The following AGPAT4 variants were observed in gnomAD, a reference collection of about 807,000 sequenced individuals.
AGPAT4 encodes 1-acyl-sn-glycerol-3-phosphate acyltransferase delta.
Under a neutral mutation model 48.0 loss-of-function variants are expected in AGPAT4, and 15 were observed. The observed-to-expected ratio is 0.31, with a 90% confidence interval of 0.21 to 0.48. The LOEUF (loss-of-function observed/expected upper bound fraction) is 0.48. Among genes scored for constraint, AGPAT4 ranks in the 20% least tolerant of loss-of-function variants. The probability of loss-of-function intolerance (pLI) is 0.99; values close to 1 mark genes in which losing one functional copy is unlikely to be tolerated. For synonymous variants in AGPAT4, 178 were observed against 198.7 expected (o/e 0.90, Z 0.88); for missense variants, 314 against 482.5 (o/e 0.65, Z 3.27).
Position 161,218,851 on chromosome 6 carries a change from AC to A in AGPAT4, c.178+13184del, listed in dbSNP as rs2115024765. Among the ~76,000 whole-genome samples the A allele has an allele frequency of 6.6e-6, 1 of 152,370 alleles. No individual in the cohort carries two copies. Among genetic ancestry groups the A allele is most frequent in the East Asian group, 1.9e-4 (1 of 5,188 alleles). On this transcript the variant is annotated intron_variant, in intron 2 of 8. Coordinates refer to ENST00000320285, the MANE Select transcript of AGPAT4 (RefSeq NM_020133.3). The surrounding 1 kb of genome is among the most constrained non-coding windows in gnomAD (Gnocchi z 4.7). ...AACAGTATGATAAAACACTGTATCT[AC>A]CAAACAGTATGATAAAACACTGTAT...
At position 161,233,395 on chromosome 6, in the gene AGPAT4, C is replaced by T. The variant is rs960456181; in HGVS notation, c.-89-1093G>A. Among the ~76,000 whole-genome samples the T allele has an allele frequency of 2.6e-5, 4 of 152,164 alleles. No individual in the cohort carries two copies. The highest frequency in any genetic ancestry group is 9.7e-5 in the African/African-American group (4 of 41,440). On this transcript the variant is annotated intron_variant, in intron 1 of 8. Coordinates refer to ENST00000320285, the MANE Select transcript of AGPAT4 (RefSeq NM_020133.3). This position sits in a 1 kb window ranked among gnomAD's most constrained non-coding sequence, Gnocchi z 5.4. ...AGCCTGGCAGACTACCCCAGGAAGA[C>T]GTCTAATGTTACGACAAACTTTCTA...
chr6:161,254,782 C>T lies in AGPAT4; in HGVS notation c.-90+19156G>A, dbSNP rs1782901618. 6.6e-6 allele frequency among the ~76,000 whole-genome samples: 1 copy of T among 152,098 alleles called. No individual in the cohort carries two copies. Among genetic ancestry groups the T allele is most frequent in the Non-Finnish European group, 1.5e-5 (1 of 68,008 alleles). On this transcript the variant is annotated intron_variant, in intron 1 of 8. Coordinates refer to ENST00000320285, the MANE Select transcript of AGPAT4 (RefSeq NM_020133.3). This position sits in a 1 kb window ranked among gnomAD's most constrained non-coding sequence, Gnocchi z 5.9. ...TTAATTCTCAAAGATCTGTAAATAC[C>T]GACTCAATTTAGAGAACAAACATGG...
rs576427107 is a variant in AGPAT4 at position 161,154,982 on chromosome 6, G to A, written c.349-672C>T. Among the ~76,000 whole-genome samples, 35 of 152,332 alleles carry A rather than the reference G, an allele frequency of 2.3e-4. No individual in the cohort carries two copies. Among genetic ancestry groups the A allele is most frequent in the East Asian group, 1.5e-3 (8 of 5,176 alleles). On this transcript the variant is annotated intron_variant, in intron 3 of 8. Transcript: ENST00000320285. This position sits in a 1 kb window ranked among gnomAD's most constrained non-coding sequence, Gnocchi z 7.8. ...TCCGGGTACAGCTGGTCCAAGCTGG[G>A]AGTAAAACCCAGACCAGGAGATGTG...
rs1029960197 is a variant in AGPAT4, at chr6:161,206,211, C to A, written c.178+25825G>T. ...TGGAAAAACTGTGGCCCTACCCCAA[C>A]CCCCCATCAGCAAAGGTTGGGGTGG... On this transcript the variant is annotated intron_variant, in intron 2 of 8. Transcript: ENST00000320285. This position sits in a 1 kb window ranked among gnomAD's most constrained non-coding sequence, Gnocchi z 4.8. Among the ~76,000 whole-genome samples the A allele has an allele frequency of 8.5e-5, 13 of 152,156 alleles. No homozygotes were observed. Among genetic ancestry groups the A allele is most frequent in the Non-Finnish European group, 1.8e-4 (12 of 68,022 alleles).
intron 2 of AGPAT4, among the ~76,000 whole-genome samples, chr6:161,181,503 C>T (rs865965997): frequency 0.014 from 1,764 of 126,158 alleles, 62 homozygotes; most frequent in African/African-American, 0.049. Context: ...GTGGGGGTAG[C>T]AGGGGGCGGG....
At position 161,171,854 on chromosome 6, in the gene AGPAT4, C is replaced by T. The variant is rs1264565054; in HGVS notation, c.179-5437G>A. On this transcript the variant is annotated intron_variant, in intron 2 of 8. Transcript: ENST00000320285. This position sits in a 1 kb window ranked among gnomAD's most constrained non-coding sequence, Gnocchi z 4.4. Reference sequence around the variant, plus strand: ...GGCTGCACTTGCAGTGAGCCAAGATCGCACCACTGCACTCCAGCCTGGGTG... The same window carrying T: ...GGCTGCACTTGCAGTGAGCCAAGATTGCACCACTGCACTCCAGCCTGGGTG... Among the ~76,000 whole-genome samples, 2 of 152,068 alleles carry T rather than the reference C, an allele frequency of 1.3e-5. No individual in the cohort carries two copies. Among genetic ancestry groups the T allele is most frequent in the African/African-American group, 2.4e-5 (1 of 41,406 alleles).
At position 161,154,342 on chromosome 6, in the gene AGPAT4, G is replaced by A. The variant is rs147500604; in HGVS notation, c.349-32C>T. On this transcript the variant is annotated intron_variant, in intron 3 of 8. Coordinates refer to ENST00000320285, the MANE Select transcript of AGPAT4 (RefSeq NM_020133.3). This position sits in a 1 kb window ranked among gnomAD's most constrained non-coding sequence, Gnocchi z 7.8. ...CAGAAGAAGGAGCCCAGGTGCCCAT[G>A]AAGGAGACGTCAGAGCCACCTGCCG... 6 of 1,613,106 alleles carry A rather than the reference G, an allele frequency of 3.7e-6. No homozygotes were observed. The highest frequency in any genetic ancestry group is 1.6e-4 in the Middle Eastern group (1 of 6,062).
At chr6:161,187,504 C>CATTT (rs60104618) in intron 2 of AGPAT4, among the ~76,000 whole-genome samples, 12,556 of 143,856 alleles carry the variant, frequency 0.087, 640 homozygotes, top group African/African-American at 0.1. Context: ...TCCTGAAGCC[C>CATTT]ATTTATTTAT....
intron 3 of AGPAT4, among the ~76,000 whole-genome samples, chr6:161,163,499 A>G (rs917846375): frequency 2.0e-5 from 3 of 152,122 alleles, no homozygotes; most frequent in African/African-American, 7.2e-5. Flanking sequence ...AGAGATGAGC[A>G]CCAGCCATCT....
In AGPAT4 at chr6:161,238,972, T is replaced by A. The variant is rs1420526924; in HGVS notation, c.-89-6670A>T. Reference sequence around the variant, plus strand: ...AATTAAACCTCTTTCCTTTATAAATTACCCAGTCTCGAGTATGTCTTTATT... The same window carrying A: ...AATTAAACCTCTTTCCTTTATAAATAACCCAGTCTCGAGTATGTCTTTATT... On this transcript the variant is annotated intron_variant, in intron 1 of 8. Transcript: ENST00000320285. This position sits in a 1 kb window ranked among gnomAD's most constrained non-coding sequence, Gnocchi z 5.2. Among the ~76,000 whole-genome samples the A allele has an allele frequency of 6.6e-6, 1 of 152,224 alleles. No individual in the cohort carries two copies. Among genetic ancestry groups the A allele is most frequent in the African/African-American group, 2.4e-5 (1 of 41,460 alleles).
chr6:161,262,554 A>C lies in AGPAT4; in HGVS notation c.-90+11384T>G, dbSNP rs1265919212. On this transcript the variant is annotated intron_variant, in intron 1 of 8. Coordinates refer to ENST00000320285, the MANE Select transcript of AGPAT4 (RefSeq NM_020133.3). This position sits in a 1 kb window ranked among gnomAD's most constrained non-coding sequence, Gnocchi z 4.9. ...TGTCCCTGGGCAAAGTCCCCAGCCT[A>C]GAGTTCCTCCTTCCACATCTTATTG... 6.6e-6 allele frequency among the ~76,000 whole-genome samples: 1 copy of C among 152,062 alleles called. No homozygotes were observed. Among genetic ancestry groups the C allele is most frequent in the Non-Finnish European group, 1.5e-5 (1 of 68,022 alleles).
chr6:161,213,045 G>A (rs1781558851), intron 2 of AGPAT4, among the ~76,000 whole-genome samples: 1 of 152,206 alleles, frequency 6.6e-6, no homozygotes, highest in African/African-American at 2.4e-5. Context: ...CACAGCCCCT[G>A]CACAGGGTTC....
Position 161,232,287 on chromosome 6 carries a change from G to A in AGPAT4, c.-74C>T. The A allele has an allele frequency of 1.4e-6, 2 of 1,460,584 alleles. No individual in the cohort carries two copies. Among genetic ancestry groups the A allele is most frequent in the Non-Finnish European group, 1.9e-6 (2 of 1,076,892 alleles). 90.5% of individuals were successfully genotyped at this position (1,460,584 alleles called of 1,614,324 possible). A position where few individuals can be genotyped will look rare whatever the true frequency, so the allele number is the denominator to read the frequency against. On this transcript the variant is annotated 5_prime_UTR_variant, in exon 2 of 9. Coordinates refer to ENST00000320285, the MANE Select transcript of AGPAT4 (RefSeq NM_020133.3). The surrounding 1 kb of genome is among the most constrained non-coding windows in gnomAD (Gnocchi z 6.8). ...GATTTCCAGAAGGAAGAAAGATCCA[G>A]GACTCAGGAAGGCGTCTAAAACACA...
At chr6:161,269,376 G>A (rs112124988) in intron 1 of AGPAT4, among the ~76,000 whole-genome samples, 2 of 152,194 alleles carry the variant, frequency 1.3e-5, no homozygotes, top group Non-Finnish European at 2.9e-5. Context: ...CTAACCACTT[G>A]ATCCCTCCCT....
At position 161,265,534 on chromosome 6, in the gene AGPAT4, T is replaced by C. The variant is rs117391208; in HGVS notation, c.-90+8404A>G. On this transcript the variant is annotated intron_variant, in intron 1 of 8. Coordinates refer to ENST00000320285, the MANE Select transcript of AGPAT4 (RefSeq NM_020133.3). ...GACTGGGTGCTGGATTAGTACCCAC[T>C]GCTGGACTGCAGGGGCGCAGCACTC... Among the ~76,000 whole-genome samples the C allele has an allele frequency of 2.1e-3, 313 of 152,030 alleles. 9 individuals carry two copies. The East Asian group carries it at 0.046, about 23-fold the overall frequency.
At chr6:161,252,444 G>C (rs1470453998) in intron 1 of AGPAT4, among the ~76,000 whole-genome samples, 1 of 152,120 alleles carries the variant, frequency 6.6e-6, no homozygotes, top group East Asian at 1.9e-4. Flanking sequence ...AGAAAAAATT[G>C]TGAACAATTA....
At position 161,170,473 on chromosome 6, in the gene AGPAT4, GCACACACA is replaced by G. The variant is rs3839450; in HGVS notation, c.179-4064_179-4057del. 3.3e-3 allele frequency among the ~76,000 whole-genome samples: 108 copies of G among 32,646 alleles called. 3 individuals carry two copies. The highest frequency in any genetic ancestry group is 4.5e-3 in the Non-Finnish European group (40 of 8,794). 21.4% of individuals were successfully genotyped at this position (32,646 alleles called of 152,430 possible). A position where few individuals can be genotyped will look rare whatever the true frequency, so the allele number is the denominator to read the frequency against. On this transcript the variant is annotated intron_variant, in intron 2 of 8. Coordinates refer to ENST00000320285, the MANE Select transcript of AGPAT4 (RefSeq NM_020133.3). ...CATGCGCGTGCACACGTGCGCGCGCGCACACACACACACACACACACACACACACACAC... is the reference window on the plus strand; with the variant it reads ...CATGCGCGTGCACACGTGCGCGCGCGCACACACACACACACACACACACAC...
In AGPAT4 at chr6:161,137,396, TC is replaced by T. The variant is rs1186151843; in HGVS notation, c.1043-763del. ...TGGATAGACGAATAAGTGAATGAAATCCCCCAAATCATGATGCACAGGATTA... is the reference window on the plus strand; with the variant it reads ...TGGATAGACGAATAAGTGAATGAAATCCCCAAATCATGATGCACAGGATTA... On this transcript the variant is annotated intron_variant, in intron 8 of 8. Coordinates refer to ENST00000320285, the MANE Select transcript of AGPAT4 (RefSeq NM_020133.3). This position sits in a 1 kb window ranked among gnomAD's most constrained non-coding sequence, Gnocchi z 6.1. 6.6e-6 allele frequency among the ~76,000 whole-genome samples: 1 copy of T among 152,020 alleles called. No homozygotes were observed. Among genetic ancestry groups the T allele is most frequent in the East Asian group, 1.9e-4 (1 of 5,180 alleles).
chr6:161,131,125 C>T lies in AGPAT4; in HGVS notation c.*5415G>A, dbSNP rs1165617428. ...AATGTCAAAAAATATCTAGTCATTC[C>T]AATATGTAAAACAAGACTGCCTTGT... On this transcript the variant is annotated 3_prime_UTR_variant, in exon 9 of 9. Coordinates refer to ENST00000320285, the MANE Select transcript of AGPAT4 (RefSeq NM_020133.3). The T allele has an allele frequency of 3.3e-6, 1 of 299,676 alleles. No homozygotes were observed. The highest frequency in any genetic ancestry group is 2.2e-5 in the African/African-American group (1 of 46,054). 18.6% of individuals were successfully genotyped at this position (299,676 alleles called of 1,614,324 possible).
Sources: gnomAD v4.1 joint callset for allele counts (sites outside exome capture counted in the v4.1 genomes callset) on GRCh38, gnomAD v4.1.1 for gene constraint, Gnocchi (gnomAD v3.1) non-coding constraint, MANE v1.5 for transcripts, NCBI Gene and HGNC (gene_info 2026-07-23, HGNC 2026-07-21) for gene names.